Variants in KIF23 observed in about 807,000 individuals in gnomAD.
The protein encoded by KIF23 is kinesin-like protein KIF23.
In KIF23, 30 loss-of-function variants were observed where a neutral mutation model predicts 137.5. That is an observed-to-expected ratio of 0.22 (90% confidence interval 0.16 to 0.30). KIF23 has a LOEUF of 0.30. Ranked by LOEUF, KIF23 falls within the 10% of genes least tolerant of loss-of-function variation. The pLI is 1.00. For missense variants in KIF23, 920 were observed against 1,194.3 expected, an observed-to-expected ratio of 0.77 and a Z score of 3.38; for synonymous variants, 367 against 391.1, an observed-to-expected ratio of 0.94 and a Z score of 0.73.
intron 16 of KIF23, 119 bp from the exon 17 acceptor site, chr15:69,439,783 GCT>G: frequency 1.6e-6 from 1 of 615,556 alleles, no homozygotes; most frequent in South Asian, 3.2e-5. Context: ...AGAAAAAAGT[GCT>G]TTCTCCATGA....
intron 22 of KIF23, 143 bp downstream of exon 22, chr15:69,446,507 G>T: frequency 1.5e-6 from 1 of 654,978 alleles, no homozygotes; most frequent in Non-Finnish European, 2.7e-6. Context: ...CCTATTCCTA[G>T]AATAACAAGA....
intron 2 of KIF23, among the ~76,000 whole-genome samples, chr15:69,416,909 A>G (rs992669137): frequency 6.6e-6 from 1 of 152,124 alleles, no homozygotes; most frequent in Admixed American, 6.5e-5. Context: ...AGATCATGCC[A>G]TTGCACTCCA....
chr15:69,421,589 A>G (rs1215584194), intron 3 of KIF23, 58 bp from the exon 4 acceptor site: 12 of 1,056,088 alleles, frequency 1.1e-5, no homozygotes, highest in East Asian at 7.2e-5. Context: ...AAGGAGATGT[A>G]TTTTTAGCCT....
At chr15:69,427,519 G>A (rs1213701626) in intron 10 of KIF23, 6 of 448,914 alleles carry the variant, frequency 1.3e-5, no homozygotes, top group Non-Finnish European at 2.7e-5. Flanking sequence ...AATTCAGTTA[G>A]TGGTTTTAAA....
chr15:69,417,644 T>A (rs1049075664), intron 3 of KIF23, 133 bp downstream of exon 3: 5 of 967,936 alleles, frequency 5.2e-6, no homozygotes, highest in Non-Finnish European at 6.0e-6. Context: ...TTATAACCAC[T>A]GTATCTAAAG....
At chr15:69,421,001 A>C (rs1364015426) in intron 3 of KIF23, among the ~76,000 whole-genome samples, 2 of 152,214 alleles carry the variant, frequency 1.3e-5, no homozygotes, top group South Asian at 2.1e-4. Context: ...GATTTCCACA[A>C]ATCTGTGACT....
At chr15:69,433,585 C>T (rs142591528) in intron 11 of KIF23, among the ~76,000 whole-genome samples, 1,704 of 152,278 alleles carry the variant, frequency 0.011, 14 homozygotes, top group Admixed American at 0.02. Context: ...GCCTGATTAT[C>T]TGAGCTGGAA....
intron 16 of KIF23, 62 bp downstream of exon 16, chr15:69,438,467 G>A (rs1339809023): frequency 2.1e-6 from 3 of 1,460,906 alleles, no homozygotes; most frequent in Admixed American, 4.2e-5. Context: ...TTCTCTGAGG[G>A]AGATATTGTG....
intron 11 of KIF23, among the ~76,000 whole-genome samples, 156 bp from the exon 12 acceptor site, chr15:69,435,327 A>C (rs1030486452): frequency 2.6e-5 from 4 of 152,150 alleles, no homozygotes; most frequent in Non-Finnish European, 4.4e-5. Flanking sequence ...AGCCTGGACC[A>C]TGCATAGACA....
At chr15:69,437,065 A>G (rs1314374362) in intron 15 of KIF23, among the ~76,000 whole-genome samples, 1 of 152,176 alleles carries the variant, frequency 6.6e-6, no homozygotes, top group Admixed American at 6.5e-5. Context: ...AATTTGCAAT[A>G]ATTGTAACTT....
chr15:69,417,008 G>A lies in KIF23; in HGVS notation c.82-375G>A, dbSNP rs191152134. 1.2e-3 allele frequency among the ~76,000 whole-genome samples: 177 copies of A among 152,040 alleles called. 1 individual carries two copies. The highest frequency in any genetic ancestry group is 4.2e-3 in the African/African-American group (175 of 41,456). On this transcript the variant is annotated intron_variant, in intron 2 of 23. Coordinates refer to ENST00000679126, the MANE Select transcript of KIF23 (RefSeq NM_001367805.3). The stretch of plus-strand genomic sequence containing the variant: ...ATTAAATGTTGGGTTAAGCTGACAA[G>A]TTTTTAAATTGACATCCATTTCCAA...
chr15:69,446,216 T>A lies in KIF23; in HGVS notation c.2757-67T>A, dbSNP rs1480059924. 4 of 1,462,182 alleles carry A rather than the reference T, an allele frequency of 2.7e-6. No homozygotes were observed. The Admixed American group carries it at 6.7e-5, about 24-fold the overall frequency. 90.6% of individuals were successfully genotyped at this position (1,462,182 alleles called of 1,614,324 possible). On this transcript the variant is annotated intron_variant, in intron 21 of 23. Coordinates refer to ENST00000679126, the MANE Select transcript of KIF23 (RefSeq NM_001367805.3). ...CAAAGGGATGTAGATAGTATTCCCCTACTTCTAATATTTTTCCTCTTCTTA... is the reference window on the plus strand; with the variant it reads ...CAAAGGGATGTAGATAGTATTCCCCAACTTCTAATATTTTTCCTCTTCTTA...
intron 19 of KIF23, 46 bp downstream of exon 19, chr15:69,441,125 CTTCT>C (rs776231540): frequency 1.0e-5 from 15 of 1,492,672 alleles, no homozygotes; most frequent in Non-Finnish European, 1.3e-5. Flanking sequence ...TAGATTTTAT[CTTCT>C]TTGTTTTTTG....
intron 2 of KIF23, among the ~76,000 whole-genome samples, chr15:69,416,949 C>CTAAATAAATAAA (rs60029908): frequency 0.077 from 11,543 of 150,230 alleles, 819 homozygotes; most frequent in East Asian, 0.18. Context: ...AACTCTGTCT[C>CTAAATAAATAAA]TAAATAAATA....
At position 69,440,046 on chromosome 15, in the gene KIF23, C is replaced by T. The variant is rs751100948; in HGVS notation, c.1898C>T (p.Thr633Ile). The T allele has an allele frequency of 3.1e-6, 5 of 1,613,702 alleles. No individual in the cohort carries two copies. The East Asian group carries it at 1.1e-4, about 36-fold the overall frequency. ...RLEARLQGMV[T>I]ETTMKWEKEC... ...GAAGCCAGGTTGCAAGGCATGGTGA[C>T]AGAAACGACAATGAAGTGGGAGAAA... Residue 633 changes from threonine (T) to isoleucine (I), a missense_variant, in exon 17 of 24, where the codon ACA becomes ATA. Physicochemically the swap from Thr to Ile is moderately conservative, Grantham distance 89 (BLOSUM62 -1). This residue lies in a region of KIF23 where 714 missense variants were observed against 866.2 expected (regional missense o/e 0.82). Coordinates refer to ENST00000679126, the MANE Select transcript of KIF23 (RefSeq NM_001367805.3).
At chr15:69,441,652 C>CT (rs1189756977) in intron 19 of KIF23, among the ~76,000 whole-genome samples, 1 of 152,062 alleles carries the variant, frequency 6.6e-6, no homozygotes. Context: ...CACTTAATCT[C>CT]TAAGAATAAG....
At chr15:69,427,874 T>A (rs1220986860) in intron 10 of KIF23, among the ~76,000 whole-genome samples, 2 of 152,194 alleles carry the variant, frequency 1.3e-5, no homozygotes, top group African/African-American at 2.4e-5. Flanking sequence ...AACCTCCTTA[T>A]AAGGTTGTGA....
intron 11 of KIF23, among the ~76,000 whole-genome samples, chr15:69,431,537 C>A (rs1182052265): frequency 2.0e-5 from 3 of 152,136 alleles, no homozygotes; most frequent in African/African-American, 7.2e-5. Context: ...TGGCGTGAAC[C>A]CGTGAAGCAG....
rs150429444 is a variant in KIF23 at position 69,436,330 on chromosome 15, TATTTC to T, written c.1438+74_1438+78del. On this transcript the variant is annotated intron_variant, in intron 14 of 23. Transcript: ENST00000679126. ...TGTTTCTCTCTTTTTTAAAAAAAATTATTTCATTTAAGAGAAATGTTTACATACCT... is the reference window on the plus strand; with the variant it reads ...TGTTTCTCTCTTTTTTAAAAAAAATTATTTAAGAGAAATGTTTACATACCT... The T allele has an allele frequency of 0.019, 28,576 of 1,532,040 alleles. 830 individuals are homozygous for T. Among genetic ancestry groups the T allele is most frequent in the East Asian group, 0.11 (4,992 of 44,008 alleles). The allele number at this position is 1,532,040 out of a possible 1,614,324, so 94.9% of individuals were successfully genotyped here. A position where few individuals can be genotyped will look rare whatever the true frequency, so the allele number is the denominator to read the frequency against.
Sources: gnomAD v4.1 joint callset for allele counts (sites outside exome capture counted in the v4.1 genomes callset) on GRCh38, gnomAD v4.1.1 for gene constraint, gnomAD v4.1.1 regional missense constraint, MANE v1.5 for transcripts, NCBI Gene and HGNC (gene_info 2026-07-23, HGNC 2026-07-21) for gene names.